The following PCM1 variants were observed in gnomAD, a reference collection of about 807,000 sequenced individuals.
PCM1 encodes pericentriolar material 1, also known as pericentriolar material 1 protein.
In PCM1, 157 loss-of-function variants were observed where a neutral mutation model predicts 241.9. The ratio of observed to expected loss-of-function variants is 0.65; its 90% CI spans 0.57 to 0.74. The LOEUF (loss-of-function observed/expected upper bound fraction) is 0.74, where lower values mean the gene tolerates loss of function less well. Ranked by LOEUF, PCM1 falls within the 30% of genes least tolerant of loss-of-function variation. PCM1 has a pLI of 0.00. For missense variants in PCM1, 3,478 were observed against 2,360.1 expected (o/e 1.47, Z -9.81); for synonymous variants, 1,085 against 784.9 (o/e 1.38, Z -6.39).
intron 7 of PCM1, among the ~76,000 whole-genome samples, chr8:17,947,894 CAG>C (rs2064422820): frequency 6.6e-6 from 1 of 152,148 alleles, no homozygotes; most frequent in Non-Finnish European, 1.5e-5. Context: ...TCGTAAGACT[CAG>C]AAATTTTCTT....
At chr8:18,011,616 G>A in intron 33 of PCM1, 51 bp from the exon 34 acceptor site, 2 of 1,509,338 alleles carry the variant, frequency 1.3e-6, no homozygotes, top group Non-Finnish European at 1.8e-6. Context: ...GGTAGCTATT[G>A]TTAAGATTAT....
intron 30 of PCM1, among the ~76,000 whole-genome samples, chr8:18,008,277 C>T (rs1380837419): frequency 6.6e-6 from 1 of 151,920 alleles, no homozygotes; most frequent in African/African-American, 2.4e-5. Flanking sequence ...GTGAACTGCA[C>T]GTGTGAGGGA....
rs1355804096 is a variant in PCM1 at position 17,967,070 on chromosome 8, C to T, written c.3312C>T (p.His1104=). 2 of 1,609,016 alleles carry T rather than the reference C, an allele frequency of 1.2e-6. No homozygotes were observed. Among genetic ancestry groups the T allele is most frequent in the Non-Finnish European group, 8.5e-7 (1 of 1,177,382 alleles). ...AGGAAAGAGGCAGTAGTGCATCGCACCCTCCTTCTCCCAGTTTATTTTGTC... is the reference window on the plus strand; with the variant it reads ...AGGAAAGAGGCAGTAGTGCATCGCATCCTCCTTCTCCCAGTTTATTTTGTC... The part of the protein sequence containing the change: ...GGKERGSSAS[H]PPSPSLFCPF... The change falls in exon 21 of 39, where the codon CAC becomes CAT. Residue 1104 remains histidine, a synonymous_variant. Coordinates refer to ENST00000325083, the MANE Select transcript of PCM1 (RefSeq NM_006197.4).
intron 6 of PCM1, among the ~76,000 whole-genome samples, chr8:17,941,278 G>T (rs1174751170): frequency 6.6e-6 from 1 of 152,142 alleles, no homozygotes; most frequent in Non-Finnish European, 1.5e-5. Context: ...AACTTGTATA[G>T]ATTTATTGTA....
intron 29 of PCM1, among the ~76,000 whole-genome samples, chr8:17,998,912 G>C (rs1013885299): frequency 6.6e-6 from 1 of 152,206 alleles, no homozygotes; most frequent in East Asian, 1.9e-4. Context: ...CTTTCCATAA[G>C]CAAAGGAGTC....
chr8:17,987,114 C>A (rs183475086), intron 26 of PCM1, among the ~76,000 whole-genome samples: 1 of 151,792 alleles, frequency 6.6e-6, no homozygotes, highest in Admixed American at 6.6e-5. Flanking sequence ...ATAACATAAA[C>A]CTGTGTCTAA....
At chr8:17,972,762 T>G (rs1004975612) in intron 23 of PCM1, 75 bp downstream of exon 23, 5 of 857,852 alleles carry the variant, frequency 5.8e-6, no homozygotes, top group Non-Finnish European at 8.6e-6. Context: ...GACATAGATA[T>G]AGTTTCAGTA....
intron 5 of PCM1, among the ~76,000 whole-genome samples, chr8:17,939,217 T>A (rs1183376024): frequency 1.3e-5 from 2 of 152,172 alleles, no homozygotes; most frequent in African/African-American, 4.8e-5. Flanking sequence ...CATATTCAGG[T>A]TAGTTAAAGG....
intron 29 of PCM1, among the ~76,000 whole-genome samples, chr8:18,000,359 T>G (rs2088846954): frequency 1.3e-5 from 2 of 152,308 alleles, no homozygotes; most frequent in South Asian, 4.2e-4. Flanking sequence ...TAGAAGATTT[T>G]AAGCAGAGAA....
At chr8:17,983,322 T>C in intron 24 of PCM1, 2 of 1,288,424 alleles carry the variant, frequency 1.6e-6, no homozygotes, top group Non-Finnish European at 2.0e-6. Context: ...TGTCCACTTT[T>C]TGTTAATTTT....
In PCM1 at chr8:17,935,615, C is replaced by T. The variant is rs780846909; in HGVS notation, c.5C>T (p.Ala2Val). The change falls in exon 3 of 39, where the codon GCC becomes GTC. Residue 2 changes from alanine (A) to valine (V), a missense_variant. Ala to Val is a moderately conservative substitution (Grantham distance 64). Transcript: ENST00000325083. M[A>V]TGGGPFEDGM... The stretch of plus-strand genomic sequence containing the variant: ...GAGTTAATTGTTAAATCCAGTATGG[C>T]CACAGGAGGAGGTCCCTTTGAAGAT... The T allele has an allele frequency of 6.9e-7, 1 of 1,457,834 alleles. No individual in the cohort carries two copies. Among genetic ancestry groups the T allele is most frequent in the Non-Finnish European group, 9.6e-7 (1 of 1,038,198 alleles). 90.3% of individuals were successfully genotyped at this position (1,457,834 alleles called of 1,614,324 possible).
chr8:17,952,382 C>A (rs958315253), intron 8 of PCM1, among the ~76,000 whole-genome samples: 1 of 151,940 alleles, frequency 6.6e-6, no homozygotes, highest in Admixed American at 6.6e-5. Context: ...TTTTATGTAA[C>A]GTGGCATTGT....
chr8:17,928,867 G>C (rs1258687907), intron 2 of PCM1, among the ~76,000 whole-genome samples: 1 of 151,816 alleles, frequency 6.6e-6, no homozygotes, highest in Non-Finnish European at 1.5e-5. Context: ...CCTGACCTTA[G>C]ATGACTCACC....
At chr8:17,938,246 G>T (rs1020183733) in intron 4 of PCM1, among the ~76,000 whole-genome samples, 6 of 152,108 alleles carry the variant, frequency 3.9e-5, no homozygotes, top group Admixed American at 3.9e-4. Context: ...ATGGTCTGCA[G>T]TGAAAACGCG....
chr8:17,975,473 A>G lies in PCM1; in HGVS notation c.3943+2786A>G, dbSNP rs187103989. On this transcript the variant is annotated intron_variant, in intron 23 of 38. Coordinates refer to ENST00000325083, the MANE Select transcript of PCM1 (RefSeq NM_006197.4). ...CCACAGCGCCCGACCAATTTTTATT[A>G]TATCTTAAAGGAAGTGGTAAATAGA... Among the ~76,000 whole-genome samples the G allele has an allele frequency of 3.1e-3, 474 of 152,226 alleles. 4 individuals carry two copies. The highest frequency in any genetic ancestry group is 3.9e-3 in the Non-Finnish European group (262 of 68,028).
At position 17,993,468 on chromosome 8, in the gene PCM1, C is replaced by G; in HGVS notation, c.4691-15C>G. On this transcript the variant is annotated splice_polypyrimidine_tract_variant and intron_variant, in intron 28 of 38. Transcript: ENST00000325083. ...AGGCTTTGTTAGGCTAATGTATTTT[C>G]TTTTTAAAAATTAGAAACTCCCGTT... is the stretch of plus-strand genomic sequence containing the variant. 1 of 1,531,954 alleles carries G rather than the reference C, an allele frequency of 6.5e-7. No individual in the cohort carries two copies. Among genetic ancestry groups the G allele is most frequent in the South Asian group, 1.3e-5 (1 of 78,500 alleles). 94.9% of individuals were successfully genotyped at this position (1,531,954 alleles called of 1,614,324 possible).
intron 26 of PCM1, among the ~76,000 whole-genome samples, chr8:17,987,501 A>G (rs2083008655): frequency 6.6e-6 from 1 of 151,868 alleles, no homozygotes; most frequent in Non-Finnish European, 1.5e-5. Context: ...ACAGTTTAGG[A>G]TAAAGTTAAC....
chr8:17,936,708 A>G (rs1024592673), intron 3 of PCM1, among the ~76,000 whole-genome samples: 1 of 152,204 alleles, frequency 6.6e-6, no homozygotes, highest in Non-Finnish European at 1.5e-5. Flanking sequence ...TTCAGAAAAC[A>G]GTAATTAGGT....
chr8:17,970,590 A>C (rs979184642), intron 22 of PCM1, among the ~76,000 whole-genome samples: 3 of 152,066 alleles, frequency 2.0e-5, no homozygotes, highest in Non-Finnish European at 4.4e-5. Context: ...CTATAAAGGT[A>C]TTCTGTTGTC....
Sources: gnomAD v4.1 joint callset for allele counts (sites outside exome capture counted in the v4.1 genomes callset) on GRCh38, gnomAD v4.1.1 for gene constraint, MANE v1.5 for transcripts, NCBI Gene and HGNC (gene_info 2026-07-23, HGNC 2026-07-21) for gene names.